Variants in RAI1 observed in about 807,000 individuals in gnomAD.
The protein encoded by RAI1 is retinoic acid-induced protein 1.
In RAI1, 9 loss-of-function variants were observed where a neutral mutation model predicts 123.8. The observed-to-expected ratio is 0.07, with a 90% CI of 0.04 to 0.13. RAI1 has a LOEUF of 0.13. RAI1 is among the 10% of genes least tolerant of loss of function. The pLI, the probability that RAI1 is intolerant of heterozygous loss-of-function variation, is 1.00. For synonymous variants in RAI1, 1,231 were observed against 1,127.3 expected (o/e 1.09, Z -1.84); for missense variants, 2,256 against 2,545.8 (o/e 0.89, Z 2.45).
intron 1 of RAI1, chr17:17,684,704 A>ATATATGTATG (rs1258508625): frequency 3.4e-4 from 41 of 119,540 alleles, no homozygotes; most frequent in East Asian, 2.8e-3. Flanking sequence ...ATATATATAT[A>ATATATGTATG]TATGTATGTA....
In RAI1 at chr17:17,809,160, C is replaced by T. The variant is rs749606860; in HGVS notation, c.5660-230C>T. On this transcript the variant is annotated intron_variant, in intron 4 of 5. Coordinates refer to ENST00000353383, the MANE Select transcript of RAI1 (RefSeq NM_030665.4). This position sits in a 1 kb window ranked among gnomAD's most constrained non-coding sequence, Gnocchi z 4.9. ...GTGGAACTCAGGGGGAAAAGCTCTC[C>T]GCGGAGGAGGTGAGGTGAGTCAAGA... is the stretch of plus-strand genomic sequence containing the variant. The T allele has an allele frequency of 3.2e-6, 2 of 617,978 alleles. No homozygotes were observed. The highest frequency in any genetic ancestry group is 2.6e-5 in the Admixed American group (1 of 39,126). The allele number at this position is 617,978 out of a possible 1,614,324, so 38.3% of individuals were successfully genotyped here. A position where few individuals can be genotyped will look rare whatever the true frequency, so the allele number is the denominator to read the frequency against.
chr17:17,747,866 C>A (rs1369107707), intron 2 of RAI1, among the ~76,000 whole-genome samples: 1 of 152,164 alleles, frequency 6.6e-6, no homozygotes, highest in Non-Finnish European at 1.5e-5. Context: ...GAGTTTGAGA[C>A]CATCCTGGGC....
chr17:17,733,858 C>T (rs1474889700), intron 2 of RAI1, among the ~76,000 whole-genome samples: 1 of 152,162 alleles, frequency 6.6e-6, no homozygotes, highest in Non-Finnish European at 1.5e-5. Flanking sequence ...CAGAGAATAC[C>T]AATGCAGAAG....
At chr17:17,723,770 C>A (rs1164717073) in intron 1 of RAI1, among the ~76,000 whole-genome samples, 1 of 149,826 alleles carries the variant, frequency 6.7e-6, no homozygotes, top group East Asian at 2.0e-4. Flanking sequence ...GCGCGCCCCT[C>A]CCCGCGCGCG....
chr17:17,803,059 C>T (rs1353790546), intron 3 of RAI1, among the ~76,000 whole-genome samples: 2 of 138,146 alleles, frequency 1.4e-5, no homozygotes, highest in Non-Finnish European at 3.0e-5. Context: ...ACTCCAGCCC[C>T]GGGGGGACAG....
At chr17:17,783,040 C>A (rs555839441) in intron 2 of RAI1, among the ~76,000 whole-genome samples, 10 of 151,542 alleles carry the variant, frequency 6.6e-5, no homozygotes, top group African/African-American at 2.2e-4. Flanking sequence ...AGGGCGGCTA[C>A]GGGAGAATCA....
Position 17,714,345 on chromosome 17 carries a change from TGGGTGGGCCTGTGCCCTGGTG to T in RAI1, c.-148-9681_-148-9661del, listed in dbSNP as rs572804611. On this transcript the variant is annotated intron_variant, in intron 1 of 5. Transcript: ENST00000353383. This position sits in a 1 kb window ranked among gnomAD's most constrained non-coding sequence, Gnocchi z 4.9. Reference sequence around the variant, plus strand: ...GTCATTCAGCTCTCGGGACAAAGCGTGGGTGGGCCTGTGCCCTGGTGGCATAACCAAGTAGGATTTCCACAT... The same window carrying T: ...GTCATTCAGCTCTCGGGACAAAGCGTGCATAACCAAGTAGGATTTCCACAT... Among the ~76,000 whole-genome samples, 41 of 152,142 alleles carry T rather than the reference TGGGTGGGCCTGTGCCCTGGTG, an allele frequency of 2.7e-4. 1 individual carries two copies. The highest frequency in any genetic ancestry group is 5.9e-4 in the Admixed American group (9 of 15,284).
At chr17:17,789,575 G>A (rs879137491) in intron 2 of RAI1, among the ~76,000 whole-genome samples, 4 of 152,164 alleles carry the variant, frequency 2.6e-5, no homozygotes, top group Admixed American at 2.6e-4. Context: ...TGTGTCAAGG[G>A]GAATCCTGAT....
At position 17,794,102 on chromosome 17, in the gene RAI1, G is replaced by A; in HGVS notation, c.1154G>A (p.Gly385Glu). 1 of 1,614,056 alleles carries A rather than the reference G, an allele frequency of 6.2e-7. No individual in the cohort carries two copies. The highest frequency in any genetic ancestry group is 8.5e-7 in the Non-Finnish European group (1 of 1,180,042). Reference sequence around the variant, plus strand: ...CTCAGCACCGGGGCCTTCCCCGCAGGGATCACTGACCACAGCCACTTCATG... The same window carrying A: ...CTCAGCACCGGGGCCTTCCCCGCAGAGATCACTGACCACAGCCACTTCATG... ...QPLSTGAFPA[G>E]ITDHSHFMPL... The change falls in exon 3 of 6, where the codon GGG becomes GAG. Residue 385 changes from glycine (G) to glutamate (E), a missense_variant. Transcript: ENST00000353383.
rs75078081 is a variant in RAI1, at chr17:17,738,701, C to A, written c.-17+14542C>A. Among the ~76,000 whole-genome samples the A allele has an allele frequency of 8.3e-4, 126 of 152,326 alleles. 6 individuals are homozygous for A. In the East Asian group the frequency reaches 0.024, roughly 29 times the overall value. Reference sequence around the variant, plus strand: ...TGTGTGTGTCTGAGCTCAGGCAACCCAGGCACCACACAGGAAGCTGCTGTA... The same window carrying A: ...TGTGTGTGTCTGAGCTCAGGCAACCAAGGCACCACACAGGAAGCTGCTGTA... On this transcript the variant is annotated intron_variant, in intron 2 of 5. Transcript: ENST00000353383.
intron 2 of RAI1, among the ~76,000 whole-genome samples, chr17:17,730,600 T>G (rs1483924086): frequency 6.6e-6 from 1 of 152,226 alleles, no homozygotes; most frequent in Non-Finnish European, 1.5e-5. Flanking sequence ...GGGCCACTAG[T>G]GCAGCCTCCT....
intron 2 of RAI1, among the ~76,000 whole-genome samples, chr17:17,743,243 G>A (rs1916701709): frequency 6.6e-6 from 1 of 152,174 alleles, no homozygotes; most frequent in Admixed American, 6.5e-5. Context: ...TCTTGCCTTG[G>A]CCTCCCAGAG....
At chr17:17,702,964 G>C (rs956221201) in intron 1 of RAI1, among the ~76,000 whole-genome samples, 1 of 152,234 alleles carries the variant, frequency 6.6e-6, no homozygotes, top group African/African-American at 2.4e-5. Flanking sequence ...GCTGCCAGAC[G>C]TGAGGAGGTG....
chr17:17,705,709 G>C (rs991789814), intron 1 of RAI1, among the ~76,000 whole-genome samples: 1 of 150,744 alleles, frequency 6.6e-6, no homozygotes, highest in Non-Finnish European at 1.5e-5. Context: ...CTGGGCGACA[G>C]TGCAAGACTC....
At chr17:17,790,102 C>T (rs1295683404) in intron 2 of RAI1, among the ~76,000 whole-genome samples, 3 of 152,192 alleles carry the variant, frequency 2.0e-5, no homozygotes, top group Non-Finnish European at 4.4e-5. Context: ...CAGCCCAGCC[C>T]TGCTGCCTGC....
chr17:17,722,983 C>T (rs368940983), intron 1 of RAI1, among the ~76,000 whole-genome samples: 1 of 152,046 alleles, frequency 6.6e-6, no homozygotes, highest in Non-Finnish European at 1.5e-5. Flanking sequence ...CCTCAGACCC[C>T]ACGCAGATCC....
At chr17:17,767,629 C>A (rs770790887) in intron 2 of RAI1, among the ~76,000 whole-genome samples, 1 of 152,220 alleles carries the variant, frequency 6.6e-6, no homozygotes, top group Non-Finnish European at 1.5e-5. Flanking sequence ...TCTTTGGAAG[C>A]TGGGCTGTGG....
intron 2 of RAI1, among the ~76,000 whole-genome samples, chr17:17,748,742 G>A (rs777698376): frequency 1.1e-4 from 17 of 152,292 alleles, no homozygotes; most frequent in South Asian, 6.2e-4. Flanking sequence ...GTGGTGTGGA[G>A]GGCTGCAGGG....
At chr17:17,773,362 T>G (rs2031234729) in intron 2 of RAI1, among the ~76,000 whole-genome samples, 1 of 152,108 alleles carries the variant, frequency 6.6e-6, no homozygotes, top group African/African-American at 2.4e-5. Flanking sequence ...CAGAACAAGG[T>G]TGCTTGGCGT....
Sources: allele counts gnomAD v4.1 joint callset (sites outside exome capture counted in the v4.1 genomes callset), GRCh38; gene constraint gnomAD v4.1.1; non-coding constraint Gnocchi (gnomAD v3.1); transcripts MANE v1.5; gene names NCBI Gene and HGNC (gene_info 2026-07-23, HGNC 2026-07-21).